Variants in TANC2 observed in about 807,000 individuals in gnomAD.
TANC2 encodes the protein tetratricopeptide repeat, ankyrin repeat and coiled-coil containing 2.
Under a neutral mutation model 210.5 loss-of-function variants are expected in TANC2, and 26 were observed. The observed-to-expected ratio is 0.12, with a 90% confidence interval of 0.09 to 0.17. TANC2 has a LOEUF of 0.17. TANC2 is among the 10% of genes least tolerant of loss of function. The pLI is 1.00. For missense variants in TANC2, 2,129 were observed against 2,608.9 expected, an observed-to-expected ratio of 0.82 and a Z score of 4.01; for synonymous variants, 931 against 967.1, an observed-to-expected ratio of 0.96 and a Z score of 0.69.
intron 17 of TANC2, among the ~76,000 whole-genome samples, chr17:63,394,869 A>G (rs2048103987): frequency 6.6e-6 from 1 of 152,224 alleles, no homozygotes; most frequent in Admixed American, 6.5e-5. Context: ...AGCAGAACCT[A>G]TATATTTACT....
intron 5 of TANC2, among the ~76,000 whole-genome samples, chr17:63,163,106 C>T (rs139983901): frequency 0.014 from 2,100 of 151,538 alleles, 47 homozygotes; most frequent in African/African-American, 0.048. Flanking sequence ...CTAAGCCAAG[C>T]AGGAGAGGAA....
chr17:63,194,093 T>G (rs1186640212), exon 6 of TANC2: 1 of 1,613,416 alleles, frequency 6.2e-7, no homozygotes, highest in South Asian at 1.1e-5. Flanking sequence ...GTCACAGAAG[T>G]TCAGCCAGGT....
chr17:63,368,238 G>A (rs2047166953), intron 14 of TANC2, among the ~76,000 whole-genome samples: 1 of 152,136 alleles, frequency 6.6e-6, no homozygotes, highest in Admixed American at 6.6e-5. Flanking sequence ...ATGGAGGAGG[G>A]GCTCTAACAT....
At chr17:62,979,609 C>G (rs969604336) in intron 1 of TANC2, among the ~76,000 whole-genome samples, 9 of 152,150 alleles carry the variant, frequency 5.9e-5, no homozygotes, top group African/African-American at 1.9e-4. Context: ...CTTTTCTGTA[C>G]TTTTAAAAAA....
At chr17:63,007,433 A>G (rs758497412) in intron 1 of TANC2, among the ~76,000 whole-genome samples, 1 of 152,152 alleles carries the variant, frequency 6.6e-6, no homozygotes, top group Non-Finnish European at 1.5e-5. Flanking sequence ...ATAGTCTTCT[A>G]CTAGAGTGTT....
At chr17:63,313,355 G>C (rs2045194599) in intron 9 of TANC2, 1 of 152,206 alleles carries the variant, frequency 6.6e-6, no homozygotes, top group African/African-American at 2.4e-5. Context: ...GCTGCTCTGG[G>C]AACAGTTCAG....
intron 3 of TANC2, among the ~76,000 whole-genome samples, chr17:63,074,335 C>T (rs1199207004): frequency 6.6e-6 from 1 of 152,080 alleles, no homozygotes; most frequent in Non-Finnish European, 1.5e-5. Flanking sequence ...GGAGTATCAT[C>T]ACACACTGGC....
intron 9 of TANC2, among the ~76,000 whole-genome samples, chr17:63,289,116 G>C (rs1383151415): frequency 2.0e-5 from 3 of 152,010 alleles, no homozygotes; most frequent in African/African-American, 7.2e-5. Context: ...TTCATGATTT[G>C]TTCTTTATCG....
chr17:63,053,477 A>C (rs1451700584), intron 2 of TANC2, among the ~76,000 whole-genome samples: 1 of 152,194 alleles, frequency 6.6e-6, no homozygotes, highest in Non-Finnish European at 1.5e-5. Flanking sequence ...CTATTCTCAC[A>C]GTATTCTCCC....
intron 4 of TANC2, chr17:63,117,093 A>C (rs1489551964): frequency 1.3e-5 from 2 of 152,174 alleles, no homozygotes; most frequent in Non-Finnish European, 2.9e-5. Flanking sequence ...ACAGATCCTT[A>C]TATGGTGCTG....
intron 7 of TANC2, among the ~76,000 whole-genome samples, chr17:63,212,778 A>C (rs1360974080): frequency 6.6e-6 from 1 of 152,254 alleles, no homozygotes; most frequent in Non-Finnish European, 1.5e-5. Context: ...TAGCACTTAA[A>C]TAAGGTCCAT....
chr17:63,095,736 A>G (rs1172920069), intron 3 of TANC2, among the ~76,000 whole-genome samples: 3 of 152,148 alleles, frequency 2.0e-5, no homozygotes, highest in Admixed American at 6.6e-5. Flanking sequence ...TGAAATCGCT[A>G]TTTACCCAGG....
At chr17:63,223,177 A>G (rs1195795881) in intron 7 of TANC2, among the ~76,000 whole-genome samples, 1 of 152,150 alleles carries the variant, frequency 6.6e-6, no homozygotes, top group Admixed American at 6.5e-5. Flanking sequence ...TTGGAGCTGA[A>G]TAGAGGTGAT....
intron 4 of TANC2, among the ~76,000 whole-genome samples, chr17:63,120,413 T>TTAA (rs2038416922): frequency 6.6e-6 from 1 of 152,184 alleles, no homozygotes; most frequent in Non-Finnish European, 1.5e-5. Flanking sequence ...CAGATTTAAC[T>TTAA]GGCAGAGTTC....
At chr17:63,373,469 A>G (rs529133656) in intron 14 of TANC2, among the ~76,000 whole-genome samples, 1 of 152,260 alleles carries the variant, frequency 6.6e-6, no homozygotes, top group Admixed American at 6.5e-5. Flanking sequence ...TGCTAATCTT[A>G]GTGTGGTAAT....
At chr17:63,317,750 A>G (rs1045248752) in intron 10 of TANC2, among the ~76,000 whole-genome samples, 2 of 152,166 alleles carry the variant, frequency 1.3e-5, no homozygotes, top group African/African-American at 2.4e-5. Context: ...TTGCCTACCT[A>G]TTAACTTTTA....
intron 5 of TANC2, among the ~76,000 whole-genome samples, chr17:63,158,006 GAAT>G (rs1020350205): frequency 6.6e-6 from 1 of 152,076 alleles, no homozygotes; most frequent in Admixed American, 6.5e-5. Flanking sequence ...TTCACAAAAA[GAAT>G]AAAATTTCAT....
chr17:63,296,105 A>G (rs2044528401), intron 9 of TANC2, among the ~76,000 whole-genome samples: 1 of 152,212 alleles, frequency 6.6e-6, no homozygotes, highest in Admixed American at 6.5e-5. Flanking sequence ...ATCAAATGGC[A>G]TCACAGAAAA....
intron 2 of TANC2, among the ~76,000 whole-genome samples, chr17:63,052,961 C>T (rs893076600): frequency 1.2e-4 from 19 of 152,258 alleles, no homozygotes; most frequent in African/African-American, 3.9e-4. Context: ...CTGAGCTCTC[C>T]GGCTGTGCAA....
Sources: allele counts gnomAD v4.1 joint callset (sites outside exome capture counted in the v4.1 genomes callset), GRCh38; gene constraint gnomAD v4.1.1; transcripts MANE v1.5; gene names NCBI Gene and HGNC (gene_info 2026-07-23, HGNC 2026-07-21).